The following HS3ST6 variants were observed in gnomAD, a reference collection of about 807,000 sequenced individuals.
HS3ST6 encodes the protein heparan sulfate-glucosamine 3-sulfotransferase 6, also known as heparan sulfate glucosamine 3-O-sulfotransferase 6.
In HS3ST6, 13 loss-of-function variants were observed where a neutral mutation model predicts 11.0. The ratio of observed to expected loss-of-function variants is 1.18; its 90% confidence interval spans 0.77 to 1.88. HS3ST6 has a LOEUF of 1.88. Among genes scored for constraint, HS3ST6 ranks in the 40% most tolerant of loss-of-function variants. HS3ST6 has a pLI of 0.00. For missense variants in HS3ST6, 541 were observed against 494.4 expected, an observed-to-expected ratio of 1.09 and a Z score of -0.89; for synonymous variants, 232 against 230.6, an observed-to-expected ratio of 1.01 and a Z score of -0.06.
In HS3ST6 at chr16:1,911,904, A is replaced by C; in HGVS notation, c.715T>G (p.Phe239Val). The change falls in exon 2 of 2, where the codon TTC becomes GTC. Residue 239 changes from phenylalanine to valine, a missense_variant. Physicochemically the swap from Phe to Val is conservative, Grantham distance 50. Transcript: ENST00000454677. Reference protein sequence around the residue: ...AQHLDHWLRYFPLSHFLFVSG... With the variant: ...AQHLDHWLRYVPLSHFLFVSG... ...ACGAACAGGAAGTGGGACAGGGGGA[A>C]GTAGCGCAGCCAGTGGTCCAGGTGC... 1 of 1,603,526 alleles carries C rather than the reference A, an allele frequency of 6.2e-7. No homozygotes were observed. Among genetic ancestry groups the C allele is most frequent in the Non-Finnish European group, 8.5e-7 (1 of 1,173,818 alleles).
upstream of HS3ST6, among the ~76,000 whole-genome samples, chr16:1,920,378 C>T (rs879084344): frequency 9.0e-4 from 51 of 56,362 alleles, no homozygotes; most frequent in East Asian, 2.4e-3. Context: ...GCTGTTCCCA[C>T]GGTCTCAGGA....
chr16:1,917,008 G>A (rs375352996), intron 1 of HS3ST6, among the ~76,000 whole-genome samples: 116 of 152,066 alleles, frequency 7.6e-4, no homozygotes, highest in African/African-American at 2.6e-3. Flanking sequence ...TCTCAGAAGC[G>A]AGCCACCCTA....
intron 1 of HS3ST6, among the ~76,000 whole-genome samples, chr16:1,916,724 TTCTCCCCTTCCCCCTCCCGCC>T (rs2082928888): frequency 6.6e-6 from 1 of 151,474 alleles, no homozygotes; most frequent in African/African-American, 2.4e-5. Context: ...CCAAAGCCCT[TTCTCCCCTTCCCCCTCCCGCC>T]TCTCCCCTCC....
At chr16:1,914,244 G>T (rs74485139) in intron 1 of HS3ST6, among the ~76,000 whole-genome samples, 1 of 152,152 alleles carries the variant, frequency 6.6e-6, no homozygotes, top group Admixed American at 6.5e-5. Context: ...GCTGGAACCC[G>T]CGTGGGAGCC....
Position 1,917,974 on chromosome 16 carries a change from C to G in HS3ST6, c.350G>C (p.Arg117Pro), listed in dbSNP as rs1287229205. Residue 117 changes from arginine (R) to proline (P), a missense_variant, in exon 1 of 2, where the codon CGC becomes CCC. Arg to Pro is a moderately radical substitution (Grantham distance 103, BLOSUM62 -2). Transcript: ENST00000454677. ...LEFLRLHPDV[R>P]ALGSEPHFFD... is the part of the protein sequence containing the mutation. ...GAAGTGGGGCTCAGAGCCCAGCGCGCGGACGTCGGGGTGCAGCCGCAGAAA... is the reference window on the plus strand; with the variant it reads ...GAAGTGGGGCTCAGAGCCCAGCGCGGGGACGTCGGGGTGCAGCCGCAGAAA... 6.4e-7 allele frequency: 1 copy of G among 1,551,208 alleles called. No homozygotes were observed. The highest frequency in any genetic ancestry group is 8.6e-7 in the Non-Finnish European group (1 of 1,157,914).
Position 1,915,321 on chromosome 16 carries a change from G to A in HS3ST6, c.413+2590C>T, listed in dbSNP as rs563256271. Among the ~76,000 whole-genome samples the A allele has an allele frequency of 3.3e-5, 5 of 152,304 alleles. No individual in the cohort carries two copies. In the East Asian group the frequency reaches 7.7e-4, roughly 23 times the overall value. On this transcript the variant is annotated intron_variant, in intron 1 of 1. Transcript: ENST00000454677. ...ACTCCAGCTGACTCTTGTCGCCCAG[G>A]CTGGAGTGCAGTGGCACAATCTCAG...
chr16:1,917,724 T>C (rs531867265), intron 1 of HS3ST6, among the ~76,000 whole-genome samples, 187 bp downstream of exon 1: 2 of 152,260 alleles, frequency 1.3e-5, no homozygotes, highest in South Asian at 4.1e-4. Flanking sequence ...CCTAGCCAAG[T>C]ATCATTCCTT....
intron 1 of HS3ST6, among the ~76,000 whole-genome samples, chr16:1,915,911 C>CCAGT (rs548590218): frequency 0.37 from 56,063 of 151,856 alleles, 10,489 homozygotes; most frequent in South Asian, 0.54. Flanking sequence ...CGGTCACAGC[C>CCAGT]CAGTGGGAGC....
Position 1,911,647 on chromosome 16 carries a change from G to T in HS3ST6, c.972C>A (p.Tyr324Ter). The T allele has an allele frequency of 2.5e-6, 4 of 1,610,032 alleles. No homozygotes were observed. The highest frequency in any genetic ancestry group is 3.4e-6 in the Non-Finnish European group (4 of 1,178,384). The stretch of plus-strand genomic sequence containing the variant: ...GGTAGAACCTGCGGTTGAAGGGCCG[G>T]TAGAACTCCTGCAGGCGCCGGACCA... ...QALVRRLQEFYRPFNRRFYQM... is the reference protein window; with the variant it reads ...QALVRRLQEF Residue 324 changes from tyrosine to a stop codon, truncating the protein, a stop_gained, in exon 2 of 2, where the codon TAC becomes TAA. Coordinates refer to ENST00000454677, the MANE Select transcript of HS3ST6 (RefSeq NM_001009606.4). LOFTEE classifies it high-confidence loss of function.
intron 1 of HS3ST6, among the ~76,000 whole-genome samples, chr16:1,914,162 G>A (rs1316808241): frequency 1.3e-5 from 2 of 152,126 alleles, no homozygotes; most frequent in Non-Finnish European, 2.9e-5. Context: ...CTGGAGGGCT[G>A]CCTCCTTCCA....
chr16:1,916,094 C>T (rs922750881), intron 1 of HS3ST6, among the ~76,000 whole-genome samples: 1 of 63,416 alleles, frequency 1.6e-5, no homozygotes, highest in African/African-American at 5.8e-5. Context: ...AGGCTCATTG[C>T]AGGCTCCTAG....
At chr16:1,920,139 CGTCCCCAGG>C (rs2082953859), upstream of HS3ST6, among the ~76,000 whole-genome samples, 1 of 75,266 alleles carries the variant, frequency 1.3e-5, no homozygotes, top group African/African-American at 4.8e-5. Context: ...TGGTCTCAGC[CGTCCCCAGG>C]GTCTCAGGAG....
At chr16:1,916,421 C>A (rs189652582) in intron 1 of HS3ST6, among the ~76,000 whole-genome samples, 2 of 152,112 alleles carry the variant, frequency 1.3e-5, no homozygotes, top group African/African-American at 2.4e-5. Context: ...TCAGTGTCCC[C>A]GGAACCCCAC....
At chr16:1,918,601 C>T (rs1272209453), upstream of HS3ST6, among the ~76,000 whole-genome samples, 1 of 151,946 alleles carries the variant, frequency 6.6e-6, no homozygotes, top group Middle Eastern at 3.2e-3. This position sits in a 1 kb window ranked among gnomAD's most constrained non-coding sequence, Gnocchi z 6.0. Flanking sequence ...CCAGGACGCT[C>T]CTGCTCCGAG....
At chr16:1,916,017 C>T (rs2082923479) in intron 1 of HS3ST6, among the ~76,000 whole-genome samples, 1 of 152,206 alleles carries the variant, frequency 6.6e-6, no homozygotes, top group African/African-American at 2.4e-5. Context: ...GGGCCCAGTC[C>T]AGGGTCTCAA....
intron 1 of HS3ST6, 48 bp downstream of exon 1, chr16:1,917,863 C>G: frequency 7.8e-7 from 1 of 1,282,862 alleles, no homozygotes; most frequent in Non-Finnish European, 1.0e-6. Context: ...GCGCACGATA[C>G]CCTCCCCAGG....
At position 1,912,666 on chromosome 16, in the gene HS3ST6, C is replaced by T. The variant is rs563008621; in HGVS notation, c.414-461G>A. On this transcript the variant is annotated intron_variant, in intron 1 of 1. Transcript: ENST00000454677. This position sits in a 1 kb window ranked among gnomAD's most constrained non-coding sequence, Gnocchi z 5.6. ...CCCGCCCGCCTAGATCACTTGAGGT[C>T]ACCCGTTCACTCAGTGGCTGACAGC... 3.3e-5 allele frequency among the ~76,000 whole-genome samples: 5 copies of T among 152,260 alleles called. No individual in the cohort carries two copies. Among genetic ancestry groups the T allele is most frequent in the Admixed American group, 2.6e-4 (4 of 15,300 alleles).
chr16:1,912,932 C>T lies in HS3ST6; in HGVS notation c.414-727G>A, dbSNP rs2082900854. 6.6e-6 allele frequency among the ~76,000 whole-genome samples: 1 copy of T among 152,166 alleles called. No individual in the cohort carries two copies. The highest frequency in any genetic ancestry group is 1.5e-5 in the Non-Finnish European group (1 of 68,030). ...TCAGCCCCCGGAGTAGCTGGGATTACAGGTGCCCGCCACCACACCCAGCTA... is the reference window on the plus strand; with the variant it reads ...TCAGCCCCCGGAGTAGCTGGGATTATAGGTGCCCGCCACCACACCCAGCTA... On this transcript the variant is annotated intron_variant, in intron 1 of 1. Transcript: ENST00000454677. This position sits in a 1 kb window ranked among gnomAD's most constrained non-coding sequence, Gnocchi z 5.6.
upstream of HS3ST6, among the ~76,000 whole-genome samples, chr16:1,920,440 G>C: frequency 6.6e-6 from 1 of 151,884 alleles, no homozygotes; most frequent in South Asian, 2.1e-4. Context: ...CACGGTCTCA[G>C]CCGTCCCCAC....
Sources: allele counts gnomAD v4.1 joint callset (sites outside exome capture counted in the v4.1 genomes callset), GRCh38; gene constraint gnomAD v4.1.1; non-coding constraint Gnocchi (gnomAD v3.1); transcripts MANE v1.5; gene names NCBI Gene and HGNC (gene_info 2026-07-23, HGNC 2026-07-21).